SLC46A3: variants seen among roughly 807,000 people sequenced by gnomAD.
The protein encoded by SLC46A3 is lysosomal proton-coupled steroid conjugate and bile acid symporter SLC46A3.
A neutral mutation model predicts 38.5 loss-of-function variants in SLC46A3; 26 were observed. The ratio of observed to expected loss-of-function variants is 0.68; its 90% CI spans 0.49 to 0.94. The LOEUF (loss-of-function observed/expected upper bound fraction) is 0.94. Ranked by LOEUF, SLC46A3 falls within the 40% of genes least tolerant of loss-of-function variation. The pLI, the probability that SLC46A3 is intolerant of heterozygous loss-of-function variation, is 0.00. For missense variants in SLC46A3, 510 were observed against 544.3 expected (o/e 0.94, Z 0.63); for synonymous variants, 185 against 192.5 (o/e 0.96, Z 0.32).
In SLC46A3 at chr13:28,700,719, A is replaced by G. The variant is rs546599460; in HGVS notation, c.*778T>C. ...GTATTAGCTGTTCATTCAGTTTTTT[A>G]ACTTCTTTAGAGCAATTTTATTTAT... is the stretch of plus-strand genomic sequence containing the variant. On this transcript the variant is annotated 3_prime_UTR_variant, in exon 6 of 6. Transcript: ENST00000266943. The G allele has an allele frequency of 4.6e-6, 2 of 430,366 alleles. No homozygotes were observed. The highest frequency in any genetic ancestry group is 7.2e-5 in the East Asian group (2 of 27,698). The allele number at this position is 430,366 out of a possible 1,614,324, so 26.7% of individuals were successfully genotyped here. A position where few individuals can be genotyped will look rare whatever the true frequency, so the allele number is the denominator to read the frequency against.
In SLC46A3 at chr13:28,702,154, G is replaced by GTT. The variant is rs35485959; in HGVS notation, c.1302-575_1302-574dup. On this transcript the variant is annotated intron_variant, in intron 5 of 5. Transcript: ENST00000266943. ...ATTTTCCTACTGTTTAAAAAAATCTGTTTTTTTTTGGTAAAGATGGGGGTC... is the reference window on the plus strand; with the variant it reads ...ATTTTCCTACTGTTTAAAAAAATCTGTTTTTTTTTTTGGTAAAGATGGGGGTC... Among the ~76,000 whole-genome samples the GTT allele has an allele frequency of 3.1e-3, 461 of 150,848 alleles. 2 individuals carry two copies. Among genetic ancestry groups the GTT allele is most frequent in the Non-Finnish European group, 3.4e-3 (233 of 67,676 alleles).
intron 2 of SLC46A3, among the ~76,000 whole-genome samples, chr13:28,716,316 A>G (rs1300239): frequency 0.33 from 49,491 of 151,972 alleles, 8,489 homozygotes; most frequent in Middle Eastern, 0.48. Flanking sequence ...AAATCTGAAG[A>G]GCATCCCTGC....
chr13:28,706,663 C>T (rs1331205521), intron 4 of SLC46A3, among the ~76,000 whole-genome samples: 3 of 152,192 alleles, frequency 2.0e-5, no homozygotes, highest in East Asian at 1.9e-4. Context: ...CCTCCCACCT[C>T]GGCCTCCCAA....
intron 5 of SLC46A3, among the ~76,000 whole-genome samples, chr13:28,702,153 T>TG (rs1025202333): frequency 7.6e-6 from 1 of 131,630 alleles, no homozygotes; most frequent in East Asian, 2.0e-4. Context: ...TAAAAAAATC[T>TG]GTTTTTTTTT....
Position 28,704,057 on chromosome 13 carries a change from C to A in SLC46A3, c.1187G>T (p.Gly396Val). ...ACIAFLETLG[G>V]VTAVSTFNGI... ...ATTAAAAGTAGAAACTGCAGTGACT[C>A]CTCCAAGTGTTTCTAAGAAAGCAAT... Residue 396 changes from glycine to valine, a missense_variant, in exon 5 of 6, where the codon GGA (glycine) becomes GTA (valine). Gly to Val is a moderately radical substitution (Grantham distance 109). Transcript: ENST00000266943. 6.2e-7 allele frequency: 1 copy of A among 1,613,608 alleles called. No homozygotes were observed. The highest frequency in any genetic ancestry group is 1.1e-5 in the South Asian group (1 of 91,044).
At position 28,713,341 on chromosome 13, in the gene SLC46A3, T is replaced by C. The variant is rs1343466493; in HGVS notation, c.399A>G (p.Ala133=). The change falls in exon 3 of 6, where the codon GCA becomes GCG. Residue 133 remains alanine, a synonymous_variant. Coordinates refer to ENST00000266943, the MANE Select transcript of SLC46A3 (RefSeq NM_181785.4). The part of the protein sequence containing the change: ...YFAFPFQLLI[A]STFIGAFCGN... ...CACAAAATGCACCAATGAAGGTAGA[T>C]GCAATCAAAAGCTGGAATGGAAAGG... 8.1e-6 allele frequency: 13 copies of C among 1,613,998 alleles called. No homozygotes were observed. Among genetic ancestry groups the C allele is most frequent in the Non-Finnish European group, 1.1e-5 (13 of 1,180,032 alleles).
chr13:28,704,611 C>A (rs9508117), intron 4 of SLC46A3: 1,549 of 152,448 alleles, frequency 0.01, 11 homozygotes, highest in Non-Finnish European at 0.017. Context: ...CAAGTGACAG[C>A]TGCAGACAAA....
Position 28,701,255 on chromosome 13 carries a change from G to A in SLC46A3, c.*242C>T, listed in dbSNP as rs367952467. 3,077 of 1,389,226 alleles carry A rather than the reference G, an allele frequency of 2.2e-3. 5 individuals are homozygous for A. Among genetic ancestry groups the A allele is most frequent in the Non-Finnish European group, 2.7e-3 (2,928 of 1,074,784 alleles). 86.1% of individuals were successfully genotyped at this position (1,389,226 alleles called of 1,614,324 possible). A position where few individuals can be genotyped will look rare whatever the true frequency, so the allele number is the denominator to read the frequency against. On this transcript the variant is annotated 3_prime_UTR_variant, in exon 6 of 6. Coordinates refer to ENST00000266943, the MANE Select transcript of SLC46A3 (RefSeq NM_181785.4). ...TCTCTTCTAAGTCTAAAAGTGAGGCGTATTTGAAATTTGTTCTGTGTATTG... is the reference window on the plus strand; with the variant it reads ...TCTCTTCTAAGTCTAAAAGTGAGGCATATTTGAAATTTGTTCTGTGTATTG...
intron 4 of SLC46A3, 96 bp downstream of exon 4, chr13:28,710,664 G>T: frequency 1.1e-6 from 1 of 921,610 alleles, no homozygotes; most frequent in Non-Finnish European, 1.7e-6. Context: ...GCATAAAAAG[G>T]GCTGTAGAAT....
At chr13:28,718,410 G>C (rs1885597531) in intron 1 of SLC46A3, 86 bp downstream of exon 1, 1 of 155,776 alleles carries the variant, frequency 6.4e-6, no homozygotes, top group Non-Finnish European at 1.4e-5. Context: ...AATTGTTATT[G>C]TTATTTTGCT....
Position 28,701,560 on chromosome 13 carries a change from C to G in SLC46A3, c.1323G>C (p.Trp441Cys), listed in dbSNP as rs754544645. The G allele has an allele frequency of 1.2e-6, 2 of 1,613,400 alleles. No individual in the cohort carries two copies. Among genetic ancestry groups the G allele is most frequent in the South Asian group, 1.1e-5 (1 of 91,026 alleles). Residue 441 changes from tryptophan to cysteine, a missense_variant, in exon 6 of 6, where the codon TGG becomes TGC. Physicochemically the swap from Trp to Cys is radical, Grantham distance 215. Transcript: ENST00000266943. ...TAAGAAGTTCATAGCTTCCCTCATTCCAGCTGGTACACTTGACAACACTAT... is the reference window on the plus strand; with the variant it reads ...TAAGAAGTTCATAGCTTCCCTCATTGCAGCTGGTACACTTGACAACACTAT... ...ISLCVVKCTS[W>C]NEGSYELLIQ...
At chr13:28,710,626 T>A in intron 4 of SLC46A3, 134 bp downstream of exon 4, 2 of 736,122 alleles carry the variant, frequency 2.7e-6, no homozygotes, top group Non-Finnish European at 4.6e-6. Flanking sequence ...CTCACAGAGC[T>A]TACCACTTTA....
At chr13:28,706,388 C>T (rs1013469939) in intron 4 of SLC46A3, among the ~76,000 whole-genome samples, 1 of 152,020 alleles carries the variant, frequency 6.6e-6, no homozygotes. Context: ...ATGAAGGATG[C>T]GAATACATTT....
At chr13:28,717,364 C>G (rs1885554022) in intron 2 of SLC46A3, among the ~76,000 whole-genome samples, 1 of 151,892 alleles carries the variant, frequency 6.6e-6, no homozygotes, top group Non-Finnish European at 1.5e-5. Flanking sequence ...AAAGCTGGGA[C>G]ATGCAGAAAC....
intron 3 of SLC46A3, among the ~76,000 whole-genome samples, chr13:28,711,231 C>A (rs565146119): frequency 2.0e-5 from 3 of 152,202 alleles, no homozygotes; most frequent in South Asian, 4.1e-4. Context: ...TCGAGACCAG[C>A]CTGACCAACA....
chr13:28,706,600 T>TA (rs1414067204), intron 4 of SLC46A3, among the ~76,000 whole-genome samples: 1 of 152,222 alleles, frequency 6.6e-6, no homozygotes, highest in Admixed American at 6.5e-5. Context: ...TTCGTAGAGA[T>TA]AGAGCCTCCC....
In SLC46A3 at chr13:28,701,481, T is replaced by C; in HGVS notation, c.*16A>G. The stretch of plus-strand genomic sequence containing the variant: ...TATGTGCATTCATAGATTTTTTTTG[T>C]TTGTTTAAATCACAGTCACCTGTCT... On this transcript the variant is annotated 3_prime_UTR_variant, in exon 6 of 6. Transcript: ENST00000266943. The C allele has an allele frequency of 6.2e-7, 1 of 1,607,446 alleles. No homozygotes were observed. The highest frequency in any genetic ancestry group is 1.1e-5 in the South Asian group (1 of 89,320).
At chr13:28,709,565 T>A (rs926929037) in intron 4 of SLC46A3, among the ~76,000 whole-genome samples, 2 of 152,212 alleles carry the variant, frequency 1.3e-5, no homozygotes, top group African/African-American at 4.8e-5. Flanking sequence ...GCCTGATATC[T>A]AACTAGTAAC....
At position 28,701,045 on chromosome 13, in the gene SLC46A3, T is replaced by A; in HGVS notation, c.*452A>T. On this transcript the variant is annotated 3_prime_UTR_variant, in exon 6 of 6. Coordinates refer to ENST00000266943, the MANE Select transcript of SLC46A3 (RefSeq NM_181785.4). ...TTTCCTACCAATGAGTGATTCATCATAATTTTCATTATGCCTTCAAAATTA... is the reference window on the plus strand; with the variant it reads ...TTTCCTACCAATGAGTGATTCATCAAAATTTTCATTATGCCTTCAAAATTA... 4.0e-6 allele frequency: 6 copies of A among 1,508,526 alleles called. No individual in the cohort carries two copies. The highest frequency in any genetic ancestry group is 4.4e-6 in the Non-Finnish European group (5 of 1,127,128). 93.4% of individuals were successfully genotyped at this position (1,508,526 alleles called of 1,614,324 possible).
Sources: allele counts gnomAD v4.1 joint callset (sites outside exome capture counted in the v4.1 genomes callset), GRCh38; gene constraint gnomAD v4.1.1; transcripts MANE v1.5; gene names NCBI Gene and HGNC (gene_info 2026-07-23, HGNC 2026-07-21).